The following PHLPP1 variants were observed in gnomAD, a reference collection of about 807,000 sequenced individuals.
The protein encoded by PHLPP1 is PH domain and leucine rich repeat protein phosphatase 1.
PHLPP1 carries 42 observed loss-of-function variants against 117.2 expected under a neutral mutation model. The ratio of observed to expected loss-of-function variants is 0.36; its 90% CI spans 0.28 to 0.46. The LOEUF (loss-of-function observed/expected upper bound fraction) is 0.46, where lower values mean the gene tolerates loss of function less well. Ranked by LOEUF, PHLPP1 falls within the 20% of genes least tolerant of loss-of-function variation. The pLI is 1.00. For missense variants in PHLPP1, 2,084 were observed against 2,241.9 expected (o/e 0.93, Z 1.42); for synonymous variants, 1,042 against 970.7 (o/e 1.07, Z -1.37).
chr18:62,942,600 G>A (rs1910160751), intron 11 of PHLPP1, among the ~76,000 whole-genome samples: 1 of 152,068 alleles, frequency 6.6e-6, no homozygotes, highest in South Asian at 2.1e-4. Context: ...GGTGAGCGGT[G>A]ACATTATATC....
chr18:62,916,090 A>G (rs1311596278), intron 9 of PHLPP1, among the ~76,000 whole-genome samples: 1 of 152,162 alleles, frequency 6.6e-6, no homozygotes, highest in Admixed American at 6.5e-5. Flanking sequence ...CCCAGAAGAT[A>G]TACTTGCTTG....
At chr18:62,814,373 C>T (rs1461587686) in intron 1 of PHLPP1, among the ~76,000 whole-genome samples, 1 of 152,202 alleles carries the variant, frequency 6.6e-6, no homozygotes, top group Non-Finnish European at 1.5e-5. Context: ...CTTCTTAGCT[C>T]TGAGACAGAA....
At chr18:62,811,698 T>G (rs761422642) in intron 1 of PHLPP1, among the ~76,000 whole-genome samples, 2 of 152,180 alleles carry the variant, frequency 1.3e-5, no homozygotes, top group Admixed American at 6.5e-5. Context: ...AAAAGGTAAA[T>G]CTTAGTAATA....
chr18:62,978,790 G>A lies in PHLPP1; in HGVS notation c.4513G>A (p.Glu1505Lys), dbSNP rs1200962447. Residue 1505 changes from glutamate to lysine, a missense_variant, in exon 17 of 17, where the codon GAG (glutamate) becomes AAG (lysine). Glu to Lys is a moderately conservative substitution (Grantham distance 56, BLOSUM62 1). This residue lies in a region of PHLPP1 where 1,365 missense variants were observed against 1,605.9 expected (regional missense o/e 0.85). Transcript: ENST00000262719. The surrounding 1 kb of genome is among the most constrained non-coding windows in gnomAD (Gnocchi z 7.0). ...TGAGCCCCCGCCCGGAGCCCTAAGC[G>A]AGAACAGCCCTGCCTACCCCAGTGA... ...SDEPPPGALS[E>K]NSPAYPSEQR... is the part of the protein sequence containing the mutation. The A allele has an allele frequency of 1.2e-6, 2 of 1,612,256 alleles. No homozygotes were observed. Among genetic ancestry groups the A allele is most frequent in the Non-Finnish European group, 1.7e-6 (2 of 1,179,392 alleles).
At chr18:62,858,388 G>C (rs1165859855) in intron 3 of PHLPP1, among the ~76,000 whole-genome samples, 1 of 151,054 alleles carries the variant, frequency 6.6e-6, no homozygotes, top group African/African-American at 2.4e-5. Flanking sequence ...TCAGCCTCCC[G>C]AGTAGCCGGG....
In PHLPP1 at chr18:62,781,757, A is replaced by G. The variant is rs76377562; in HGVS notation, c.1577-48278A>G. Among the ~76,000 whole-genome samples the G allele has an allele frequency of 8.2e-3, 1,250 of 152,270 alleles. 21 individuals carry two copies. Among genetic ancestry groups the G allele is most frequent in the African/African-American group, 0.029 (1,194 of 41,546 alleles). ...TTTTAAGCTCCAGTTTTAATGCTGC[A>G]TGTTCATTAGAAACATAGCCTCATG... On this transcript the variant is annotated intron_variant, in intron 1 of 16. Transcript: ENST00000262719.
intron 1 of PHLPP1, among the ~76,000 whole-genome samples, chr18:62,743,569 T>C (rs2122076936): frequency 6.6e-6 from 1 of 152,332 alleles, no homozygotes; most frequent in South Asian, 2.1e-4. Flanking sequence ...ACGATGACAC[T>C]GTTATTTTCT....
At chr18:62,875,101 C>T (rs1346324910) in intron 4 of PHLPP1, among the ~76,000 whole-genome samples, 1 of 152,022 alleles carries the variant, frequency 6.6e-6, no homozygotes, top group Non-Finnish European at 1.5e-5. Context: ...ACTATAGGTG[C>T]GTGCCACCAC....
intron 9 of PHLPP1, among the ~76,000 whole-genome samples, chr18:62,918,064 G>A (rs1909348657): frequency 1.3e-5 from 2 of 151,864 alleles, no homozygotes; most frequent in Non-Finnish European, 2.9e-5. Flanking sequence ...AAATTAGCTA[G>A]GCATGGTGGT....
At chr18:62,796,411 T>G (rs986816905) in intron 1 of PHLPP1, among the ~76,000 whole-genome samples, 7 of 152,222 alleles carry the variant, frequency 4.6e-5, no homozygotes, top group African/African-American at 1.7e-4. Flanking sequence ...TTGGAACTAC[T>G]GTGCTGCATT....
At chr18:62,747,276 CT>C (rs564178033) in intron 1 of PHLPP1, among the ~76,000 whole-genome samples, 5,460 of 123,174 alleles carry the variant, frequency 0.044, 143 homozygotes, top group Middle Eastern at 0.082. Context: ...TCTTCATTTC[CT>C]TTTTTTTTTT....
rs1166545546 is a variant in PHLPP1 at position 62,715,541 on chromosome 18, C to T, written c.-143C>T. On this transcript the variant is annotated 5_prime_UTR_variant, in exon 1 of 17. Coordinates refer to ENST00000262719, the MANE Select transcript of PHLPP1 (RefSeq NM_194449.4). ...ACCGACGGAATGCTCCGAATCGCCA[C>T]ATAATCCCCTGGAACGGCCGCGCAC... 9.1e-6 allele frequency: 4 copies of T among 441,974 alleles called. No homozygotes were observed. The highest frequency in any genetic ancestry group is 2.0e-5 in the African/African-American group (1 of 49,242). 27.4% of individuals were successfully genotyped at this position (441,974 alleles called of 1,614,324 possible). A position where few individuals can be genotyped will look rare whatever the true frequency, so the allele number is the denominator to read the frequency against.
chr18:62,731,433 T>C (rs1389207382), intron 1 of PHLPP1: 10 of 152,208 alleles, frequency 6.6e-5, no homozygotes, highest in Non-Finnish European at 5.9e-5. Context: ...CCATGTAAGA[T>C]GGCAAGCTTG....
At chr18:62,827,029 C>T (rs188498540) in intron 1 of PHLPP1, among the ~76,000 whole-genome samples, 277 of 152,072 alleles carry the variant, frequency 1.8e-3, no homozygotes, top group African/African-American at 6.5e-3. Flanking sequence ...TAAAATAATC[C>T]AGAGGCTCTA....
rs778601642 is a variant in PHLPP1 at position 62,963,449 on chromosome 18, T to C, written c.3537T>C (p.Thr1179=). 2 of 1,612,282 alleles carry C rather than the reference T, an allele frequency of 1.2e-6. No homozygotes were observed. Among genetic ancestry groups the C allele is most frequent in the Non-Finnish European group, 1.7e-6 (2 of 1,178,928 alleles). The change falls in exon 14 of 17, where the codon ACT becomes ACC. Residue 1179 remains threonine, a synonymous_variant. Transcript: ENST00000262719. ...CAGCTGTATGGAGTCATGGTTACAC[T>C]GAAGCTTCGGGGGTAAAAAACAAGT... ...GAPAVWSHGY[T]EASGVKNKLC...
chr18:62,806,453 G>T lies in PHLPP1; in HGVS notation c.1577-23582G>T, dbSNP rs140273642. Among the ~76,000 whole-genome samples, 4 of 152,300 alleles carry T rather than the reference G, an allele frequency of 2.6e-5. No individual in the cohort carries two copies. In the East Asian group the frequency reaches 7.7e-4, roughly 29 times the overall value. On this transcript the variant is annotated intron_variant, in intron 1 of 16. Transcript: ENST00000262719. ...ATAAGGCATAAAAATGATCATAGCAGTGGAACTGATGAACAAGTATTCTTT... is the reference window on the plus strand; with the variant it reads ...ATAAGGCATAAAAATGATCATAGCATTGGAACTGATGAACAAGTATTCTTT...
chr18:62,734,223 A>G (rs571251621), intron 1 of PHLPP1, among the ~76,000 whole-genome samples: 2 of 152,222 alleles, frequency 1.3e-5, no homozygotes, highest in East Asian at 1.9e-4. Context: ...TTAGTTTGGT[A>G]TCATACGTAC....
At chr18:62,972,924 A>G (rs114343074) in intron 15 of PHLPP1, among the ~76,000 whole-genome samples, 2,874 of 152,338 alleles carry the variant, frequency 0.019, 93 homozygotes, top group African/African-American at 0.065. Flanking sequence ...TAGAAGGCTC[A>G]GACAATGACA....
chr18:62,876,464 AT>A (rs1263913279), intron 4 of PHLPP1, among the ~76,000 whole-genome samples: 16 of 152,110 alleles, frequency 1.1e-4, no homozygotes, highest in African/African-American at 2.7e-4. Flanking sequence ...CTTTTTAAAT[AT>A]TTTTTGTACT....
Sources: gnomAD v4.1 joint callset for allele counts (sites outside exome capture counted in the v4.1 genomes callset) on GRCh38, gnomAD v4.1.1 for gene constraint, gnomAD v4.1.1 regional missense constraint, Gnocchi (gnomAD v3.1) non-coding constraint, MANE v1.5 for transcripts, NCBI Gene and HGNC (gene_info 2026-07-23, HGNC 2026-07-21) for gene names.